Variants in USP4 observed in about 807,000 individuals in gnomAD.
USP4 encodes the protein ubiquitin carboxyl-terminal hydrolase 4.
USP4 carries 72 observed loss-of-function variants against 118.2 expected under a neutral mutation model. That is an observed-to-expected ratio of 0.61 (90% CI 0.50 to 0.74). USP4 has a LOEUF of 0.74. Ranked by LOEUF, USP4 falls within the 30% of genes least tolerant of loss-of-function variation. USP4 has a pLI of 0.00. For missense variants in USP4, 1,037 were observed against 1,185.7 expected (o/e 0.87, Z 1.84); for synonymous variants, 415 against 440.4 (o/e 0.94, Z 0.72).
intron 8 of USP4, among the ~76,000 whole-genome samples, chr3:49,308,380 C>A (rs573420244): frequency 2.0e-5 from 3 of 152,088 alleles, no homozygotes; most frequent in Non-Finnish European, 2.9e-5. Context: ...AGTGTAGTGG[C>A]ATGATCTTGG....
intron 1 of USP4, among the ~76,000 whole-genome samples, chr3:49,339,704 G>A (rs1246066878): frequency 6.6e-6 from 1 of 151,948 alleles, no homozygotes; most frequent in Non-Finnish European, 1.5e-5. Context: ...CGCCGGGCCC[G>A]CCCCCTAGGG....
chr3:49,301,032 G>A (rs7640903), intron 10 of USP4, among the ~76,000 whole-genome samples: 84,046 of 151,832 alleles, frequency 0.55, 24,511 homozygotes, highest in East Asian at 0.95. Flanking sequence ...TCAACCTCCC[G>A]GACTCAAAGC....
intron 2 of USP4, among the ~76,000 whole-genome samples, chr3:49,330,960 G>T (rs1287912246): frequency 6.6e-6 from 1 of 150,856 alleles, no homozygotes; most frequent in Non-Finnish European, 1.5e-5. Flanking sequence ...GGAGCTTGCA[G>T]TGAGCCGAGA....
rs755763028 is a variant in USP4 at position 49,300,479 on chromosome 3, G to T, written c.1500C>A (p.Cys500Ter). 1 of 1,614,100 alleles carries T rather than the reference G, an allele frequency of 6.2e-7. No homozygotes were observed. The highest frequency in any genetic ancestry group is 8.5e-7 in the Non-Finnish European group (1 of 1,179,972). The part of the protein sequence containing the change: ...EVFLVPADPH[C>*]RPTQYRVTVP... Reference sequence around the variant, plus strand: ...TGGATTCTGTCACCTGAGTAGGTCTGCAGTGAGGGTCAGCAGGAACCAGGA... The same window carrying T: ...TGGATTCTGTCACCTGAGTAGGTCTTCAGTGAGGGTCAGCAGGAACCAGGA... Residue 500 changes from cysteine to a stop codon, truncating the protein, a stop_gained, in exon 11 of 22, where the codon TGC becomes TGA. Transcript: ENST00000265560. LOFTEE classifies it high-confidence loss of function.
chr3:49,299,424 G>A (rs1462534035), intron 11 of USP4, among the ~76,000 whole-genome samples: 12 of 140,870 alleles, frequency 8.5e-5, no homozygotes, highest in Admixed American at 1.5e-4. Context: ...ACGGAGTCTC[G>A]CTCTGTCGCC....
intron 10 of USP4, 63 bp downstream of exon 10, chr3:49,302,321 T>C: frequency 6.4e-7 from 1 of 1,573,148 alleles, no homozygotes; most frequent in Non-Finnish European, 8.6e-7. Flanking sequence ...AGAATATCCC[T>C]GCACTCTCAA....
chr3:49,300,735 C>T, intron 10 of USP4, 44 bp from the exon 11 acceptor site: 1 of 1,573,552 alleles, frequency 6.4e-7, no homozygotes, highest in African/African-American at 1.3e-5. Context: ...ACCTCTCAGC[C>T]CCTTGCCCCT....
At chr3:49,319,586 T>C (rs1317171834) in intron 6 of USP4, among the ~76,000 whole-genome samples, 4 of 138,126 alleles carry the variant, frequency 2.9e-5, no homozygotes, top group Admixed American at 7.7e-5. Flanking sequence ...TGACACACAA[T>C]GTATTACTAA....
Position 49,305,857 on chromosome 3 carries a change from T to G in USP4, c.986A>C (p.Tyr329Ser). Residue 329 changes from tyrosine to serine, a missense_variant, in exon 9 of 22, where the codon TAC (tyrosine) becomes TCC (serine). Physicochemically the swap from Tyr to Ser is moderately radical, Grantham distance 144. This residue lies in a region of USP4 where 487 missense variants were observed against 534.1 expected (regional missense o/e 0.91). Transcript: ENST00000265560. ...GGCTTCATACTCATCTTTGAGAAAGTAGTCAGTCAGTGGTGCAGTGTTGCT... is the reference window on the plus strand; with the variant it reads ...GGCTTCATACTCATCTTTGAGAAAGGAGTCAGTCAGTGGTGCAGTGTTGCT... ...CLSNTAPLTD[Y>S]FLKDEYEAEI... 6.2e-7 allele frequency: 1 copy of G among 1,614,002 alleles called. No individual in the cohort carries two copies. The highest frequency in any genetic ancestry group is 8.5e-7 in the Non-Finnish European group (1 of 1,179,970).
intron 2 of USP4, among the ~76,000 whole-genome samples, chr3:49,328,483 A>G (rs2047580665): frequency 6.6e-6 from 1 of 152,182 alleles, no homozygotes; most frequent in South Asian, 2.1e-4. Flanking sequence ...TCTTCACCAG[A>G]CATAGATTCC....
chr3:49,299,687 C>G (rs4554002), intron 11 of USP4, among the ~76,000 whole-genome samples: 4 of 151,780 alleles, frequency 2.6e-5, no homozygotes, highest in African/African-American at 9.7e-5. Flanking sequence ...CCACCGCGCC[C>G]GGCCCTCAAC....
At chr3:49,326,706 TC>T (rs1200540676) in intron 3 of USP4, among the ~76,000 whole-genome samples, 1 of 85,896 alleles carries the variant, frequency 1.2e-5, no homozygotes, top group Non-Finnish European at 2.4e-5. Context: ...GATCAAAGAC[TC>T]TTTTTTTTTT....
chr3:49,305,742 G>A lies in USP4; in HGVS notation c.1101C>T (p.Asp367=), dbSNP rs2230929. ...TGAACATGCGAGGTGCCACATGGGC[G>A]TCCCTTCCAGACCACATCTGCTTAA... The part of the protein sequence containing the change: ...ELIKQMWSGR[D]AHVAPRMFKT... The change falls in exon 9 of 22, where the codon GAC becomes GAT. Residue 367 remains aspartate (D), a synonymous_variant. Coordinates refer to ENST00000265560, the MANE Select transcript of USP4 (RefSeq NM_003363.4). 0.16 allele frequency: 256,251 copies of A among 1,609,960 alleles called. 21,746 individuals are homozygous for A. The highest frequency in any genetic ancestry group is 0.17 in the Non-Finnish European group (203,558 of 1,178,082).
intron 6 of USP4, among the ~76,000 whole-genome samples, chr3:49,319,225 C>T (rs927843947): frequency 6.6e-5 from 10 of 151,744 alleles, no homozygotes; most frequent in South Asian, 2.1e-4. Context: ...GACCTTCCTT[C>T]GATGACATAT....
chr3:49,334,964 G>C (rs1426180132), intron 2 of USP4, among the ~76,000 whole-genome samples: 1 of 152,092 alleles, frequency 6.6e-6, no homozygotes, highest in Non-Finnish European at 1.5e-5. Flanking sequence ...GTTACATGTC[G>C]CTTTTCCCAC....
At chr3:49,281,077 T>C (rs2047018438) in intron 19 of USP4, among the ~76,000 whole-genome samples, 1 of 152,098 alleles carries the variant, frequency 6.6e-6, no homozygotes, top group Non-Finnish European at 1.5e-5. Context: ...TCCCAGCACT[T>C]TGGGGGGCCA....
chr3:49,301,722 T>A (rs949270750), intron 10 of USP4, among the ~76,000 whole-genome samples: 4 of 151,998 alleles, frequency 2.6e-5, no homozygotes, highest in African/African-American at 4.8e-5. Context: ...AAAAATAAAG[T>A]TTTTATCTAT....
At chr3:49,335,619 T>C (rs1206045020) in intron 1 of USP4, 23 bp from the exon 2 acceptor site, 3 of 1,612,868 alleles carry the variant, frequency 1.9e-6, no homozygotes, top group African/African-American at 1.3e-5. Flanking sequence ...AGAAATTTAC[T>C]GTAGCAGAAA....
intron 16 of USP4, among the ~76,000 whole-genome samples, chr3:49,285,475 GTC>G (rs1010589052): frequency 1.7e-4 from 26 of 152,286 alleles, no homozygotes; most frequent in Admixed American, 1.6e-3. Flanking sequence ...GTGAGACCCT[GTC>G]TCTACACAAA....
Sources: gnomAD v4.1 joint callset for allele counts (sites outside exome capture counted in the v4.1 genomes callset) on GRCh38, gnomAD v4.1.1 for gene constraint, gnomAD v4.1.1 regional missense constraint, MANE v1.5 for transcripts, NCBI Gene and HGNC (gene_info 2026-07-23, HGNC 2026-07-21) for gene names.